RIMBP2: variants seen among roughly 807,000 people sequenced by gnomAD.
The protein encoded by RIMBP2 is RIMS binding protein 2, also known as RIMS-binding protein 2.
A neutral mutation model predicts 118.6 loss-of-function variants in RIMBP2; 48 were observed. The ratio of observed to expected loss-of-function variants is 0.40; its 90% CI spans 0.32 to 0.51. The LOEUF (loss-of-function observed/expected upper bound fraction) is 0.51, where lower values mean the gene tolerates loss of function less well. Ranked by LOEUF, RIMBP2 falls within the 20% of genes least tolerant of loss-of-function variation. The pLI is 0.41. For synonymous variants in RIMBP2, 762 were observed against 742.9 expected (o/e 1.03, Z -0.42); for missense variants, 1,551 against 1,768.3 (o/e 0.88, Z 2.20).
chr12:130,671,766 TG>T (rs1429091483), intron 1 of RIMBP2, among the ~76,000 whole-genome samples: 1 of 123,550 alleles, frequency 8.1e-6, no homozygotes, highest in African/African-American at 3.1e-5. Flanking sequence ...CAATAGTCCC[TG>T]GGGGCAAAAT....
At chr12:130,689,075 A>G (rs976703683) in intron 1 of RIMBP2, among the ~76,000 whole-genome samples, 1 of 152,194 alleles carries the variant, frequency 6.6e-6, no homozygotes, top group Non-Finnish European at 1.5e-5. Context: ...ACTGATTGAT[A>G]CACCAGATAA....
intron 2 of RIMBP2, among the ~76,000 whole-genome samples, chr12:130,585,966 A>G (rs1332918464): frequency 3.3e-5 from 5 of 152,226 alleles, no homozygotes; most frequent in Non-Finnish European, 7.3e-5. Context: ...CCCATGTGGG[A>G]GCAGCTCATT....
intron 9 of RIMBP2, among the ~76,000 whole-genome samples, chr12:130,445,575 A>G (rs1238942741): frequency 6.6e-6 from 1 of 152,238 alleles, no homozygotes; most frequent in African/African-American, 2.4e-5. Flanking sequence ...TGCTGTAACT[A>G]TACATCTCCA....
At chr12:130,598,996 C>T (rs1264592106) in intron 2 of RIMBP2, among the ~76,000 whole-genome samples, 1 of 152,128 alleles carries the variant, frequency 6.6e-6, no homozygotes, top group Admixed American at 6.5e-5. Context: ...TGTGAGCCAC[C>T]ACACTAAGTT....
In RIMBP2 at chr12:130,458,437, G is replaced by C. The variant is rs142527114; in HGVS notation, c.154-1737C>G. ...GGTCTGCAGGTGGGATGACGACTTG[G>C]CTTCGCAGGGCTTGCAGGGGCTCTG... is the stretch of plus-strand genomic sequence containing the variant. On this transcript the variant is annotated intron_variant, in intron 6 of 22. Coordinates refer to ENST00000690449, the MANE Select transcript of RIMBP2 (RefSeq NM_001393629.1). 5.0e-3 allele frequency among the ~76,000 whole-genome samples: 764 copies of C among 152,172 alleles called. 4 individuals carry two copies. The highest frequency in any genetic ancestry group is 8.2e-3 in the Non-Finnish European group (557 of 67,998).
At position 130,453,029 on chromosome 12, in the gene RIMBP2, C is replaced by T. The variant is rs528111774; in HGVS notation, c.359-1689G>A. On this transcript the variant is annotated intron_variant, in intron 7 of 22. Transcript: ENST00000690449. ...CGGGCCCCTCGAGATGCAAACACCG[C>T]GCTCTCTCATGATGGTAATGCTTCA... Among the ~76,000 whole-genome samples the T allele has an allele frequency of 5.9e-5, 9 of 152,254 alleles. No homozygotes were observed. In the South Asian group the frequency reaches 8.3e-4, roughly 14 times the overall value.
At chr12:130,587,832 AAAAAAAAAAAG>A (rs933908727) in intron 2 of RIMBP2, among the ~76,000 whole-genome samples, 19 of 149,272 alleles carry the variant, frequency 1.3e-4, no homozygotes, top group Admixed American at 4.0e-4. Flanking sequence ...AGTATAATAA[AAAAAAAAAAAG>A]AAAAAAAAAA....
chr12:130,439,094 T>C (rs1413810819), intron 11 of RIMBP2, among the ~76,000 whole-genome samples: 1 of 151,988 alleles, frequency 6.6e-6, no homozygotes, highest in Non-Finnish European at 1.5e-5. Context: ...AGAGACCAGG[T>C]CTGATGACAT....
intron 4 of RIMBP2, among the ~76,000 whole-genome samples, chr12:130,484,737 G>T (rs1321459319): frequency 6.6e-6 from 1 of 152,226 alleles, no homozygotes; most frequent in African/African-American, 2.4e-5. Flanking sequence ...CACATCAGGG[G>T]CTGGCAGGGA....
At chr12:130,482,539 G>A (rs951056788) in intron 4 of RIMBP2, among the ~76,000 whole-genome samples, 5 of 152,308 alleles carry the variant, frequency 3.3e-5, no homozygotes, top group Admixed American at 6.5e-5. Flanking sequence ...AATCTGATAC[G>A]AGGAGGAGAT....
intron 2 of RIMBP2, among the ~76,000 whole-genome samples, chr12:130,545,661 C>T (rs1178992709): frequency 6.6e-6 from 1 of 152,108 alleles, no homozygotes; most frequent in Non-Finnish European, 1.5e-5. Flanking sequence ...GACCGAGGAA[C>T]GAGCCCAGTT....
chr12:130,609,772 G>T (rs2060398706), intron 2 of RIMBP2, among the ~76,000 whole-genome samples: 1 of 152,142 alleles, frequency 6.6e-6, no homozygotes, highest in Non-Finnish European at 1.5e-5. Context: ...TCTGGGAAGT[G>T]GGGGTAGGGC....
At chr12:130,433,361 T>C (rs1485388322) in intron 14 of RIMBP2, among the ~76,000 whole-genome samples, 1 of 152,168 alleles carries the variant, frequency 6.6e-6, no homozygotes, top group Admixed American at 6.5e-5. Flanking sequence ...TGCGTGTGAC[T>C]CCTCTCGGAT....
In RIMBP2 at chr12:130,649,492, C is replaced by T. The variant is rs536748133; in HGVS notation, c.-351-21036G>A. Among the ~76,000 whole-genome samples the T allele has an allele frequency of 3.1e-4, 47 of 152,348 alleles. 1 individual carries two copies. The highest frequency in any genetic ancestry group is 3.1e-3 in the Admixed American group (47 of 15,308). On this transcript the variant is annotated intron_variant, in intron 1 of 22. Transcript: ENST00000690449. ...AGAACAAGCCACGTGGCCACCCAGA[C>T]CCAAGGGCTGCTGGGAAATGTGCCC...
chr12:130,628,999 C>G (rs77064143), intron 1 of RIMBP2, among the ~76,000 whole-genome samples: 1 of 152,308 alleles, frequency 6.6e-6, no homozygotes, highest in Admixed American at 6.5e-5. Context: ...AGAATTCCCA[C>G]CTTGGCCATC....
In RIMBP2 at chr12:130,622,831, C is replaced by A. The variant is rs1594078845; in HGVS notation, c.-217+5491G>T. 6.6e-6 allele frequency among the ~76,000 whole-genome samples: 1 copy of A among 152,182 alleles called. No individual in the cohort carries two copies. The highest frequency in any genetic ancestry group is 1.9e-4 in the East Asian group (1 of 5,190). On this transcript the variant is annotated intron_variant, in intron 2 of 22. Coordinates refer to ENST00000690449, the MANE Select transcript of RIMBP2 (RefSeq NM_001393629.1). This position sits in a 1 kb window ranked among gnomAD's most constrained non-coding sequence, Gnocchi z 8.5. ...ACAAAAGGCATAGAAGACAAAATTT[C>A]TCTCTCTCTGACCCTGCTCAATGCT...
At chr12:130,468,299 C>T (rs1029085321) in intron 6 of RIMBP2, among the ~76,000 whole-genome samples, 1 of 152,202 alleles carries the variant, frequency 6.6e-6, no homozygotes, top group African/African-American at 2.4e-5. Context: ...CAATGCTTCT[C>T]AGACCTCAGT....
intron 4 of RIMBP2, among the ~76,000 whole-genome samples, chr12:130,489,258 T>C (rs571224207): frequency 2.0e-5 from 3 of 152,294 alleles, no homozygotes; most frequent in East Asian, 3.9e-4. Flanking sequence ...TCGGATAGAA[T>C]GGTGGGAATC....
In RIMBP2 at chr12:130,617,836, C is replaced by A. The variant is rs2061042335; in HGVS notation, c.-217+10486G>T. Among the ~76,000 whole-genome samples, 1 of 152,120 alleles carries A rather than the reference C, an allele frequency of 6.6e-6. No homozygotes were observed. ...GAGATGTTGTCCAATCATTGGAAAA[C>A]TTTGATTGCATCAGCTGATTTTCAG... On this transcript the variant is annotated intron_variant, in intron 2 of 22. Coordinates refer to ENST00000690449, the MANE Select transcript of RIMBP2 (RefSeq NM_001393629.1). The surrounding 1 kb of genome is among the most constrained non-coding windows in gnomAD (Gnocchi z 4.6).
Sources: gnomAD v4.1 joint callset for allele counts (sites outside exome capture counted in the v4.1 genomes callset) on GRCh38, gnomAD v4.1.1 for gene constraint, Gnocchi (gnomAD v3.1) non-coding constraint, MANE v1.5 for transcripts, NCBI Gene and HGNC (gene_info 2026-07-23, HGNC 2026-07-21) for gene names.